Variants in CLNK observed in about 807,000 individuals in gnomAD.
CLNK encodes the protein cytokine dependent hematopoietic cell linker, also known as cytokine-dependent hematopoietic cell linker.
A neutral mutation model predicts 68.6 loss-of-function variants in CLNK; 74 were observed. That is an observed-to-expected ratio of 1.08 (90% confidence interval 0.89 to 1.31). CLNK has a LOEUF of 1.31. CLNK is among the 50% of genes most tolerant of loss of function. The pLI is 0.00. For synonymous variants in CLNK, 198 were observed against 172.2 expected (o/e 1.15, Z -1.17); for missense variants, 553 against 515.3 (o/e 1.07, Z -0.71).
At chr4:10,732,469 G>GA in the CLNK span, among the ~76,000 whole-genome samples, 1 of 152,158 alleles carries the variant, frequency 6.6e-6, no homozygotes, top group Non-Finnish European at 1.5e-5. Context: ...ACTGAACTTG[G>GA]AAAAGTCCTG....
At chr4:10,566,233 G>C in intron 5 of CLNK, 83 bp from the exon 6 acceptor site, 1 of 1,337,942 alleles carries the variant, frequency 7.5e-7, no homozygotes, top group Non-Finnish European at 1.0e-6. Flanking sequence ...TAGAGAAATG[G>C]GGTAGACCTT....
chr4:10,721,763 C>G, the CLNK span, among the ~76,000 whole-genome samples: 1 of 152,202 alleles, frequency 6.6e-6, no homozygotes, highest in Non-Finnish European at 1.5e-5. Context: ...GGCATGACCT[C>G]TGCATTTAGA....
chr4:10,486,809 C>G lies in CLNK; in HGVS notation c.*3658G>C, dbSNP rs1716371451. 2.0e-5 allele frequency: 3 copies of G among 152,276 alleles called. No individual in the cohort carries two copies. Among genetic ancestry groups the G allele is most frequent in the South Asian group, 4.1e-4 (2 of 4,822 alleles). The allele number at this position is 152,276 out of a possible 1,614,324, so 9.4% of individuals were successfully genotyped here. ...CAAAACATTTAATGTTGGCATCACC[C>G]CACAAGTACTCAGAAATAAGTGTTA... On this transcript the variant is annotated 3_prime_UTR_variant, in exon 19 of 19. Transcript: ENST00000226951.
At chr4:10,598,399 T>G (rs1325381210) in intron 2 of CLNK, among the ~76,000 whole-genome samples, 1 of 152,210 alleles carries the variant, frequency 6.6e-6, no homozygotes, top group Non-Finnish European at 1.5e-5. Flanking sequence ...TTCTGTAAAA[T>G]GAAGAATATC....
chr4:10,528,623 T>C (rs1718418954), intron 12 of CLNK, among the ~76,000 whole-genome samples: 1 of 152,220 alleles, frequency 6.6e-6, no homozygotes, highest in Non-Finnish European at 1.5e-5. Flanking sequence ...TGAAATAAGA[T>C]TATACTGTAA....
intron 8 of CLNK, among the ~76,000 whole-genome samples, chr4:10,545,405 T>C (rs1005132987): frequency 6.6e-6 from 1 of 152,160 alleles, no homozygotes; most frequent in African/African-American, 2.4e-5. Context: ...ATAATTTTTT[T>C]TTGATTCCAC....
At chr4:10,688,325 T>G (rs1417156427), upstream of CLNK, among the ~76,000 whole-genome samples, 1 of 152,188 alleles carries the variant, frequency 6.6e-6, no homozygotes, top group Non-Finnish European at 1.5e-5. Context: ...TTTCACTTTC[T>G]GAATAGTCTA....
intron 14 of CLNK, among the ~76,000 whole-genome samples, chr4:10,525,265 C>T (rs554028376): frequency 6.6e-6 from 1 of 152,284 alleles, no homozygotes; most frequent in East Asian, 1.9e-4. Context: ...CGGGGTTTCA[C>T]TGTTTTGGCC....
At chr4:10,707,475 A>G in the CLNK span, among the ~76,000 whole-genome samples, 669 of 152,360 alleles carry the variant, frequency 4.4e-3, 3 homozygotes, top group African/African-American at 0.015. Flanking sequence ...AATGTCAGTC[A>G]CTTCAAGATA....
chr4:10,699,769 C>T, the CLNK span, among the ~76,000 whole-genome samples: 1 of 151,752 alleles, frequency 6.6e-6, no homozygotes. Context: ...CCGCCTCAGC[C>T]TCCCAAAGTG....
intron 2 of CLNK, among the ~76,000 whole-genome samples, chr4:10,613,540 C>A (rs1577168022): frequency 6.6e-6 from 1 of 152,150 alleles, no homozygotes; most frequent in African/African-American, 2.4e-5. Context: ...AGACTTAGGC[C>A]ATGGCTATGA....
rs548586104 is a variant in CLNK at position 10,665,941 on chromosome 4, T to A, written c.11+1918A>T. On this transcript the variant is annotated intron_variant, in intron 2 of 18. Transcript: ENST00000226951. ...TGTAGTTAAGGATCTTGATAAGAAA[T>A]CATTTCTGACTATCCAGGTGACCCC... 8.5e-5 allele frequency among the ~76,000 whole-genome samples: 13 copies of A among 152,290 alleles called. No homozygotes were observed. The East Asian group carries it at 1.9e-3, about 23-fold the overall frequency.
At chr4:10,663,564 CAT>C (rs1157862668) in intron 2 of CLNK, among the ~76,000 whole-genome samples, 8 of 152,286 alleles carry the variant, frequency 5.3e-5, no homozygotes, top group Non-Finnish European at 7.4e-5. Context: ...CATATAAAAA[CAT>C]ATGTGTGCAT....
chr4:10,496,556 G>A (rs1716817223), intron 18 of CLNK, among the ~76,000 whole-genome samples: 1 of 152,212 alleles, frequency 6.6e-6, no homozygotes, highest in Admixed American at 6.5e-5. Flanking sequence ...TAAGCTCCAA[G>A]TAAGTGTTAA....
At chr4:10,527,691 TGTGTGTGTGCATGAAAGAGCCAC>T (rs1172021903) in intron 13 of CLNK, among the ~76,000 whole-genome samples, 1 of 152,128 alleles carries the variant, frequency 6.6e-6, no homozygotes, top group East Asian at 1.9e-4. Context: ...TACATGTATG[TGTGTGTGTGCATGAAAGAGCCAC>T]GTGTGTGTGC....
chr4:10,628,978 G>A (rs908027522), intron 2 of CLNK, among the ~76,000 whole-genome samples: 2 of 152,162 alleles, frequency 1.3e-5, no homozygotes, highest in Non-Finnish European at 2.9e-5. Flanking sequence ...ACCCAAAAGA[G>A]CTTGTCCCAG....
At chr4:10,599,304 A>C (rs1036037003) in intron 2 of CLNK, among the ~76,000 whole-genome samples, 2 of 152,182 alleles carry the variant, frequency 1.3e-5, no homozygotes, top group African/African-American at 2.4e-5. Flanking sequence ...CTCTCTCTTC[A>C]TCTGGGATTT....
At chr4:10,562,695 C>T (rs771918162) in intron 7 of CLNK, among the ~76,000 whole-genome samples, 14 of 152,184 alleles carry the variant, frequency 9.2e-5, no homozygotes, top group Admixed American at 3.3e-4. Flanking sequence ...TGAGCCCCCA[C>T]GTCCGGTCAC....
rs1183698578 is a variant in CLNK at position 10,504,399 on chromosome 4, C to T, written c.985-2988G>A. Among the ~76,000 whole-genome samples the T allele has an allele frequency of 5.9e-5, 9 of 152,112 alleles. No homozygotes were observed. The South Asian group carries it at 1.7e-3, about 28-fold the overall frequency. The stretch of plus-strand genomic sequence containing the variant: ...GCTCCCAAAGTGCTGGGATTACAGG[C>T]GTGAGCCACTGCGTGCCCCGCCATA... On this transcript the variant is annotated intron_variant, in intron 17 of 18. Coordinates refer to ENST00000226951, the MANE Select transcript of CLNK (RefSeq NM_052964.4).
Sources: allele counts gnomAD v4.1 joint callset (sites outside exome capture counted in the v4.1 genomes callset), GRCh38; gene constraint gnomAD v4.1.1; transcripts MANE v1.5; gene names NCBI Gene and HGNC (gene_info 2026-07-23, HGNC 2026-07-21).